The following BABAM2 variants were observed in gnomAD, a reference collection of about 807,000 sequenced individuals.
BABAM2 encodes BRISC and BRCA1-A complex member 2.
In BABAM2, 31 loss-of-function variants were observed where a neutral mutation model predicts 54.7. That is an observed-to-expected ratio of 0.57 (90% CI 0.43 to 0.77). BABAM2 has a LOEUF of 0.77. Among genes scored for constraint, BABAM2 ranks in the 30% least tolerant of loss-of-function variants. The pLI is 0.00. For synonymous variants in BABAM2, 167 were observed against 162.9 expected (o/e 1.03, Z -0.19); for missense variants, 364 against 455.8 (o/e 0.80, Z 1.83).
intron 7 of BABAM2, among the ~76,000 whole-genome samples, chr2:28,161,226 C>CT: frequency 6.6e-6 from 1 of 152,184 alleles, no homozygotes; most frequent in African/African-American, 2.4e-5. Context: ...CAACCATTGC[C>CT]TTTTTTTGGG....
At chr2:28,114,657 T>C (rs1211836908) in intron 6 of BABAM2, among the ~76,000 whole-genome samples, 1 of 152,224 alleles carries the variant, frequency 6.6e-6, no homozygotes, top group East Asian at 1.9e-4. Context: ...CACCATATAA[T>C]GTGTTGTTTA....
intron 11 of BABAM2, chr2:28,310,423 G>A (rs934753269): frequency 5.2e-5 from 19 of 364,456 alleles, no homozygotes; most frequent in Non-Finnish European, 9.1e-5. Flanking sequence ...CCCTCCATCT[G>A]TATTCCTTTG....
intron 10 of BABAM2, among the ~76,000 whole-genome samples, chr2:28,269,511 A>G (rs1685242594): frequency 6.6e-6 from 1 of 152,232 alleles, no homozygotes; most frequent in Non-Finnish European, 1.5e-5. Flanking sequence ...AACATACAGT[A>G]CAACTCCTTT....
chr2:28,177,883 C>G (rs1675182468), intron 7 of BABAM2, among the ~76,000 whole-genome samples: 1 of 151,786 alleles, frequency 6.6e-6, no homozygotes, highest in African/African-American at 2.4e-5. Flanking sequence ...AAGTGAGAAA[C>G]AGTAAGAAGA....
chr2:28,283,912 C>A (rs1322394279), intron 10 of BABAM2, among the ~76,000 whole-genome samples: 6 of 152,156 alleles, frequency 3.9e-5, no homozygotes, highest in Admixed American at 6.5e-5. Flanking sequence ...CAAAAACAAA[C>A]CCCAGTTATC....
chr2:28,234,963 A>G (rs1219284961), intron 7 of BABAM2, among the ~76,000 whole-genome samples: 5 of 152,238 alleles, frequency 3.3e-5, no homozygotes, highest in African/African-American at 4.8e-5. Flanking sequence ...GGCCTTGCTG[A>G]TTCTGTGCAG....
At chr2:28,088,231 A>G (rs1665849486) in intron 6 of BABAM2, among the ~76,000 whole-genome samples, 1 of 152,214 alleles carries the variant, frequency 6.6e-6, no homozygotes, top group African/African-American at 2.4e-5. Flanking sequence ...GAATACTCAG[A>G]AAACAAGTGT....
At chr2:28,249,785 T>C (rs1321432316) in intron 10 of BABAM2, among the ~76,000 whole-genome samples, 1 of 152,044 alleles carries the variant, frequency 6.6e-6, no homozygotes, top group South Asian at 2.1e-4. Flanking sequence ...GAACTATACA[T>C]AAGCGCCATG....
At chr2:28,168,989 C>G (rs1226052242) in intron 7 of BABAM2, among the ~76,000 whole-genome samples, 2 of 152,208 alleles carry the variant, frequency 1.3e-5, no homozygotes, top group Non-Finnish European at 2.9e-5. Flanking sequence ...ATCAGCTTCT[C>G]AGCAAGCTGA....
At chr2:28,165,529 C>CTTTTTTTTTTTT (rs1192641957) in intron 7 of BABAM2, among the ~76,000 whole-genome samples, 17 of 72,254 alleles carry the variant, frequency 2.4e-4, no homozygotes, top group African/African-American at 3.4e-4. Flanking sequence ...TTTTTCCTTG[C>CTTTTTTTTTTTT]TTTTTTTTTT....
intron 5 of BABAM2, among the ~76,000 whole-genome samples, chr2:28,041,999 G>A (rs1279678049): frequency 6.6e-6 from 1 of 152,076 alleles, no homozygotes. Flanking sequence ...TATTTTGAAG[G>A]GAGAGTCCAA....
chr2:28,329,257 A>G lies in BABAM2; in HGVS notation c.1089-9193A>G, dbSNP rs1381076767. The stretch of plus-strand genomic sequence containing the variant: ...TTCATGTCCCCCGACAAAACTGTCT[A>G]TGGCACTTTTTGCTCGGGGCTCTGC... On this transcript the variant is annotated intron_variant, in intron 11 of 11. Transcript: ENST00000379624. This position sits in a 1 kb window ranked among gnomAD's most constrained non-coding sequence, Gnocchi z 4.2. 6.6e-6 allele frequency among the ~76,000 whole-genome samples: 1 copy of G among 152,220 alleles called. No individual in the cohort carries two copies. Among genetic ancestry groups the G allele is most frequent in the African/African-American group, 2.4e-5 (1 of 41,454 alleles).
At chr2:28,250,584 C>CTTTTTTTTTTTTTTTTTT (rs34597279) in intron 10 of BABAM2, among the ~76,000 whole-genome samples, 75 of 136,966 alleles carry the variant, frequency 5.5e-4, no homozygotes, top group Middle Eastern at 3.8e-3. Context: ...ATATTTTTTT[C>CTTTTTTTTTTTTTTTTTT]TTTTTTTTTT....
chr2:27,978,159 G>A (rs1380037527), intron 3 of BABAM2, among the ~76,000 whole-genome samples: 2 of 152,142 alleles, frequency 1.3e-5, no homozygotes, highest in African/African-American at 2.4e-5. Flanking sequence ...CATGAATGGT[G>A]TGGTGCTGTC....
chr2:27,923,573 G>A (rs1001113831), intron 2 of BABAM2, among the ~76,000 whole-genome samples: 3 of 152,096 alleles, frequency 2.0e-5, no homozygotes, highest in African/African-American at 7.2e-5. Flanking sequence ...AGTTATAATT[G>A]TGCCACTGCA....
rs1664390292 is a variant in BABAM2 at position 28,073,790 on chromosome 2, A to G, written c.570+27991A>G. Among the ~76,000 whole-genome samples, 3 of 152,124 alleles carry G rather than the reference A, an allele frequency of 2.0e-5. 1 individual carries two copies. The highest frequency in any genetic ancestry group is 7.2e-5 in the African/African-American group (3 of 41,408). ...AAATGAATGTGTCATAATTTAATTA[A>G]TGGTGCTAGATAGTAAGATTGTTTT... On this transcript the variant is annotated intron_variant, in intron 6 of 11. Coordinates refer to ENST00000379624, the MANE Select transcript of BABAM2 (RefSeq NM_199191.3).
chr2:28,151,952 G>A (rs1203896383), intron 7 of BABAM2, among the ~76,000 whole-genome samples: 2 of 152,142 alleles, frequency 1.3e-5, no homozygotes, highest in African/African-American at 4.8e-5. Flanking sequence ...AGGTTTGCAT[G>A]GGGTGACAAC....
chr2:28,236,971 A>G (rs1459501627), intron 7 of BABAM2, among the ~76,000 whole-genome samples: 4 of 152,166 alleles, frequency 2.6e-5, no homozygotes, highest in Non-Finnish European at 5.9e-5. Flanking sequence ...AAAATTTTCT[A>G]ATTTGTACTG....
At chr2:28,064,043 C>G (rs1573504619) in intron 6 of BABAM2, among the ~76,000 whole-genome samples, 1 of 152,194 alleles carries the variant, frequency 6.6e-6, no homozygotes. Flanking sequence ...TCCTGTAGAG[C>G]AAGCCGTTTT....
Sources: gnomAD v4.1 joint callset for allele counts (sites outside exome capture counted in the v4.1 genomes callset) on GRCh38, gnomAD v4.1.1 for gene constraint, Gnocchi (gnomAD v3.1) non-coding constraint, MANE v1.5 for transcripts, NCBI Gene and HGNC (gene_info 2026-07-23, HGNC 2026-07-21) for gene names.